APC: variants seen among roughly 807,000 people sequenced by gnomAD.
The protein encoded by APC is adenomatous polyposis coli protein.
APC carries 72 observed loss-of-function variants against 247.0 expected under a neutral mutation model. The observed-to-expected ratio is 0.29, with a 90% CI of 0.24 to 0.35. The LOEUF is 0.35. Among genes scored for constraint, APC ranks in the 10% least tolerant of loss-of-function variants. The pLI is 1.00. For synonymous variants in APC, 1,254 were observed against 1,162.5 expected (o/e 1.08, Z -1.60); for missense variants, 3,400 against 3,360.7 (o/e 1.01, Z -0.29).
Position 112,840,998 on chromosome 5 carries a change from G to C in APC, c.5404G>C (p.Glu1802Gln), listed in dbSNP as rs756465306. The change falls in exon 16 of 16, where the codon GAG (glutamate) becomes CAG (glutamine). Residue 1802 changes from glutamate to glutamine, a missense_variant. Coordinates refer to ENST00000257430, the MANE Select transcript of APC (RefSeq NM_000038.6). This position sits in a 1 kb window ranked among gnomAD's most constrained non-coding sequence, Gnocchi z 4.1. ...AGACTCAAAAAATAATTTAAATGCT[G>C]AGAGAGTTTTCTCAGACAACAAAGA... ...NADSKNNLNA[E>Q]RVFSDNKDSK... The C allele has an allele frequency of 6.2e-7, 1 of 1,612,042 alleles. No homozygotes were observed. The highest frequency in any genetic ancestry group is 8.5e-7 in the Non-Finnish European group (1 of 1,178,364).
chr5:112,716,300 A>G (rs76028897), intron 1 of APC, among the ~76,000 whole-genome samples: 7,494 of 152,148 alleles, frequency 0.049, 337 homozygotes, highest in East Asian at 0.13. Context: ...TTCACTTAAG[A>G]TGTTTTCAGA....
At position 112,842,171 on chromosome 5, in the gene APC, A is replaced by G. The variant is rs1060503343; in HGVS notation, c.6577A>G (p.Lys2193Glu). The change falls in exon 16 of 16, where the codon AAA becomes GAA. Residue 2193 changes from lysine to glutamate, a missense_variant. By Grantham distance (56) the Lys-to-Glu change is moderately conservative. Around this residue, in one of 9 missense-constraint regions of APC, gnomAD observed 1,788 missense variants for 1,649.5 expected, o/e 1.08. Transcript: ENST00000257430. ...SESKGIKGGK[K>E]VYKSLITGKV... ...AAGTAAAGGAATCAAAGGAGGAAAA[A>G]AAGTTTATAAAAGTTTGATTACTGG... is the stretch of plus-strand genomic sequence containing the variant. 5 of 1,612,598 alleles carry G rather than the reference A, an allele frequency of 3.1e-6. No homozygotes were observed. Among genetic ancestry groups the G allele is most frequent in the South Asian group, 1.1e-5 (1 of 90,914 alleles).
intron 1 of APC, among the ~76,000 whole-genome samples, chr5:112,752,818 C>A (rs1754527594): frequency 6.6e-6 from 1 of 151,968 alleles, no homozygotes; most frequent in African/African-American, 2.4e-5. Flanking sequence ...AAGTTAGATT[C>A]TTTCTAGAGC....
At chr5:112,719,541 CTTTT>C (rs550443158) in intron 1 of APC, among the ~76,000 whole-genome samples, 1 of 134,120 alleles carries the variant, frequency 7.5e-6, no homozygotes, top group Admixed American at 7.6e-5. Context: ...AATAATAATT[CTTTT>C]TTTTTTTTTT....
At chr5:112,791,108 C>T (rs947771405) in intron 6 of APC, among the ~76,000 whole-genome samples, 6 of 151,862 alleles carry the variant, frequency 4.0e-5, no homozygotes, top group Admixed American at 1.3e-4. Flanking sequence ...GTTGTTTTTT[C>T]CACTTCCACT....
intron 14 of APC, 110 bp downstream of exon 14, chr5:112,829,082 T>C: frequency 1.3e-6 from 1 of 754,782 alleles, no homozygotes; most frequent in Non-Finnish European, 2.3e-6. Flanking sequence ...TATTATTCAG[T>C]ACTATAATAT....
intron 8 of APC, among the ~76,000 whole-genome samples, chr5:112,808,833 G>C (rs1387572314): frequency 1.3e-5 from 2 of 152,108 alleles, no homozygotes; most frequent in African/African-American, 4.8e-5. Flanking sequence ...CAGTATCTGA[G>C]AATATTCAAG....
chr5:112,709,313 T>C (rs1208000380), intron 1 of APC, among the ~76,000 whole-genome samples: 1 of 152,234 alleles, frequency 6.6e-6, no homozygotes, highest in East Asian at 1.9e-4. Flanking sequence ...CTGTGGACTT[T>C]TGACCTTTTA....
chr5:112,782,140 C>G (rs576591279), intron 6 of APC, among the ~76,000 whole-genome samples: 4 of 152,292 alleles, frequency 2.6e-5, no homozygotes, highest in African/African-American at 7.2e-5. Flanking sequence ...TCCTCACAAT[C>G]ATGGTGGAAG....
At chr5:112,819,406 A>T (rs944260758) in intron 10 of APC, 62 bp downstream of exon 10, 1 of 1,604,432 alleles carries the variant, frequency 6.2e-7, no homozygotes, top group Non-Finnish European at 8.5e-7. Flanking sequence ...ATTTTTAAAC[A>T]GAAAACATGT....
intron 10 of APC, 59 bp from the exon 11 acceptor site, chr5:112,821,836 TA>T: frequency 7.4e-7 from 1 of 1,357,982 alleles, no homozygotes; most frequent in Non-Finnish European, 1.0e-6. Flanking sequence ...TAAAGTACAA[TA>T]AACATCATTG....
chr5:112,738,366 G>T lies in APC; in HGVS notation c.-19+441G>T, dbSNP rs956468947. The T allele has an allele frequency of 9.1e-6, 9 of 985,474 alleles. No homozygotes were observed. In the African/African-American group the frequency reaches 1.4e-4, roughly 15 times the overall value. 61.0% of individuals were successfully genotyped at this position (985,474 alleles called of 1,614,324 possible). ...CCTGGCGACAAGGACACATGCATTGGTGGCCAAAAGAGAGAGGAGACAAAA... is the reference window on the plus strand; with the variant it reads ...CCTGGCGACAAGGACACATGCATTGTTGGCCAAAAGAGAGAGGAGACAAAA... On this transcript the variant is annotated intron_variant, in intron 1 of 15. Coordinates refer to ENST00000257430, the MANE Select transcript of APC (RefSeq NM_000038.6).
chr5:112,828,122 G>A, intron 13 of APC, 116 bp downstream of exon 13: 1 of 842,230 alleles, frequency 1.2e-6, no homozygotes, highest in Non-Finnish European at 2.0e-6. Context: ...TGCAACCTCT[G>A]CCTCCAGGGT....
At chr5:112,742,369 G>A (rs890911522) in intron 1 of APC, among the ~76,000 whole-genome samples, 2 of 152,168 alleles carry the variant, frequency 1.3e-5, no homozygotes, top group South Asian at 2.1e-4. Context: ...TGTTATTTAT[G>A]TATTTCTGTA....
chr5:112,780,262 T>G (rs1188993240), intron 5 of APC, among the ~76,000 whole-genome samples: 2 of 152,214 alleles, frequency 1.3e-5, no homozygotes, highest in Non-Finnish European at 2.9e-5. Context: ...TATGATTATC[T>G]TTCTTACATG....
rs773617726 is a variant in APC at position 112,839,253 on chromosome 5, C to A, written c.3659C>A (p.Thr1220Lys). 3.7e-6 allele frequency: 6 copies of A among 1,614,086 alleles called. No individual in the cohort carries two copies. In the South Asian group the frequency reaches 5.5e-5, roughly 15 times the overall value. Residue 1220 changes from threonine to lysine, a missense_variant, in exon 16 of 16, where the codon ACA becomes AAA. Thr to Lys is a moderately conservative substitution (Grantham distance 78, BLOSUM62 -1). This residue lies in a region of APC where 715 missense variants were observed against 656.6 expected (regional missense o/e 1.09). Transcript: ENST00000257430. The surrounding 1 kb of genome is among the most constrained non-coding windows in gnomAD (Gnocchi z 5.0). ...TCTTCAAGCAGTGAGAATACGTCCACACCTTCATCTAATGCCAAGAGGCAG... is the reference window on the plus strand; with the variant it reads ...TCTTCAAGCAGTGAGAATACGTCCAAACCTTCATCTAATGCCAAGAGGCAG... ...HMSSSSENTS[T>K]PSSNAKRQNQ...
chr5:112,772,057 G>A (rs1188010768), intron 4 of APC, among the ~76,000 whole-genome samples: 1 of 152,162 alleles, frequency 6.6e-6, no homozygotes, highest in African/African-American at 2.4e-5. Flanking sequence ...GTTAGGAATT[G>A]TTGCTGTCAT....
chr5:112,767,448 G>C (rs2149790466), intron 4 of APC, 58 bp downstream of exon 4: 1 of 1,332,304 alleles, frequency 7.5e-7, no homozygotes, highest in Non-Finnish European at 1.1e-6. Context: ...TTGTTATTTT[G>C]TAATATAATA....
At chr5:112,774,777 C>T (rs964195071) in intron 4 of APC, among the ~76,000 whole-genome samples, 1 of 151,806 alleles carries the variant, frequency 6.6e-6, no homozygotes, top group Non-Finnish European at 1.5e-5. Context: ...ACACCTGGCC[C>T]CCAGGATCAA....
Sources: allele counts gnomAD v4.1 joint callset (sites outside exome capture counted in the v4.1 genomes callset), GRCh38; gene constraint gnomAD v4.1.1; regional missense constraint gnomAD v4.1.1; non-coding constraint Gnocchi (gnomAD v3.1); transcripts MANE v1.5; gene names NCBI Gene and HGNC (gene_info 2026-07-23, HGNC 2026-07-21).